The following ADGRF3 variants were observed in gnomAD, a reference collection of about 807,000 sequenced individuals.
ADGRF3 encodes the protein adhesion G protein-coupled receptor F3, also known as G protein-coupled receptor 113.
Under a neutral mutation model 93.2 loss-of-function variants are expected in ADGRF3, and 85 were observed. The observed-to-expected ratio is 0.91, with a 90% CI of 0.77 to 1.09. ADGRF3 has a LOEUF of 1.09. ADGRF3 is among the 50% of genes least tolerant of loss of function. The probability of loss-of-function intolerance (pLI) is 0.00; values close to 1 mark genes in which losing one functional copy is unlikely to be tolerated. For missense variants in ADGRF3, 1,125 were observed against 1,246.2 expected (o/e 0.90, Z 1.46); for synonymous variants, 534 against 532.5 (o/e 1.00, Z -0.04).
chr2:26,346,274 C>G lies in ADGRF3; in HGVS notation c.-40G>C, dbSNP rs1458536750. The stretch of plus-strand genomic sequence containing the variant: ...ACGTGAGCCCGGAGCAGCTGGCTGG[C>G]TTTGATAAGTACAAGGTACCGCGGG... On this transcript the variant is annotated 5_prime_UTR_variant, in exon 1 of 14. Transcript: ENST00000651242. The G allele has an allele frequency of 6.2e-6, 10 of 1,613,424 alleles. No individual in the cohort carries two copies. The highest frequency in any genetic ancestry group is 8.5e-6 in the Non-Finnish European group (10 of 1,179,580).
At chr2:26,330,451 G>T (rs1675700670) in intron 1 of ADGRF3, among the ~76,000 whole-genome samples, 1 of 152,112 alleles carries the variant, frequency 6.6e-6, no homozygotes, top group South Asian at 2.1e-4. Flanking sequence ...GCTTTACCAT[G>T]CACTTACTGT....
chr2:26,317,113 C>T, intron 2 of ADGRF3, 58 bp from the exon 3 acceptor site: 1 of 1,535,508 alleles, frequency 6.5e-7, no homozygotes, highest in Non-Finnish European at 8.8e-7. Context: ...AAGCCGGTCC[C>T]CTCTGGATTC....
Position 26,320,385 on chromosome 2 carries a change from A to G in ADGRF3, c.115-2823T>C, listed in dbSNP as rs908362212. ...GTGGCGCATCCCTGTAATCTCAGCT[A>G]CTTAGCAGGCTGAGGCAGGAGAACT... On this transcript the variant is annotated intron_variant, in intron 1 of 13. Transcript: ENST00000651242. Among the ~76,000 whole-genome samples the G allele has an allele frequency of 2.0e-5, 3 of 152,186 alleles. No individual in the cohort carries two copies. In the East Asian group the frequency reaches 5.8e-4, roughly 29 times the overall value.
Position 26,314,603 on chromosome 2 carries a change from C to T in ADGRF3, c.739G>A (p.Glu247Lys), listed in dbSNP as rs777458927. The T allele has an allele frequency of 2.8e-5, 45 of 1,613,748 alleles. No homozygotes were observed. Among genetic ancestry groups the T allele is most frequent in the East Asian group, 2.7e-4 (12 of 44,892 alleles). ...HWAGEYMSCF[E>K]AQGFKWNLYE... ...AGGTTCCACTTGAAGCCCTGGGCCTCGAAGCAGCTCATGTACTCACCTGCA... is the reference window on the plus strand; with the variant it reads ...AGGTTCCACTTGAAGCCCTGGGCCTTGAAGCAGCTCATGTACTCACCTGCA... Residue 247 changes from glutamate to lysine, a missense_variant, in exon 6 of 14, where the codon GAG (glutamate) becomes AAG (lysine). Transcript: ENST00000651242.
intron 1 of ADGRF3, among the ~76,000 whole-genome samples, chr2:26,345,193 T>A (rs1327602284): frequency 6.6e-6 from 1 of 152,172 alleles, no homozygotes; most frequent in Non-Finnish European, 1.5e-5. Context: ...GGGTTGATAA[T>A]GTATGTGAAG....
rs998391280 is a variant in ADGRF3, at chr2:26,315,670, C to T, written c.570G>A (p.Leu190=). The T allele has an allele frequency of 1.9e-6, 3 of 1,551,468 alleles. No homozygotes were observed. Among genetic ancestry groups the T allele is most frequent in the African/African-American group, 2.7e-5 (2 of 73,020 alleles). The part of the protein sequence containing the change: ...PGDTLSLTLH[L]SQEATNLSWF... ...AGCTCAGGTTGGTGGCCTCCTGGCT[C>T]AGATGGAGAGTCAGGCTCAGCGTGT... Residue 190 remains leucine, a synonymous_variant, in exon 5 of 14, where the codon CTG becomes CTA. Transcript: ENST00000651242.
At chr2:26,314,021 G>A (rs13001136) in intron 6 of ADGRF3, 118 bp from the exon 7 acceptor site, 14 of 1,298,700 alleles carry the variant, frequency 1.1e-5, no homozygotes, top group African/African-American at 1.5e-5. Flanking sequence ...AAGCAGTGGG[G>A]AAGAGCCAAA....
At chr2:26,334,074 C>T (rs909152079) in intron 1 of ADGRF3, among the ~76,000 whole-genome samples, 2 of 151,838 alleles carry the variant, frequency 1.3e-5, no homozygotes, top group South Asian at 4.2e-4. Flanking sequence ...GATCTGCTCG[C>T]CTCAGCCTCC....
Position 26,309,068 on chromosome 2 carries a change from C to T in ADGRF3, c.*18G>A. 1 of 1,614,032 alleles carries T rather than the reference C, an allele frequency of 6.2e-7. No individual in the cohort carries two copies. The highest frequency in any genetic ancestry group is 1.1e-5 in the South Asian group (1 of 91,084). On this transcript the variant is annotated 3_prime_UTR_variant, in exon 14 of 14. Transcript: ENST00000651242. The stretch of plus-strand genomic sequence containing the variant: ...CACAGCCTCAACTCCCTTGCAGGAA[C>T]ATGGGTCCGTGTGTGGTTCACTCTG...
Position 26,315,687 on chromosome 2 carries a change from T to C in ADGRF3, c.553A>G (p.Ser185Gly). The C allele has an allele frequency of 1.3e-6, 2 of 1,551,562 alleles. No individual in the cohort carries two copies. Among genetic ancestry groups the C allele is most frequent in the Non-Finnish European group, 1.7e-6 (2 of 1,146,990 alleles). Reference protein sequence around the residue: ...SQLQMPGDTLSLTLHLSQEAT... With the variant: ...SQLQMPGDTLGLTLHLSQEAT... ...TCCTGGCTCAGATGGAGAGTCAGGC[T>C]CAGCGTGTCACCAGGCATCTGCAGC... is the stretch of plus-strand genomic sequence containing the variant. Residue 185 changes from serine to glycine, a missense_variant, in exon 5 of 14, where the codon AGC (serine) becomes GGC (glycine). Coordinates refer to ENST00000651242, the MANE Select transcript of ADGRF3 (RefSeq NM_001321971.2).
At chr2:26,318,217 C>T (rs546236538) in intron 1 of ADGRF3, 186 of 781,064 alleles carry the variant, frequency 2.4e-4, no homozygotes, top group Admixed American at 6.2e-4. Flanking sequence ...TGTCACAGAC[C>T]TGAGCCCTGT....
intron 9 of ADGRF3, 54 bp downstream of exon 9, chr2:26,312,889 A>G (rs1674308884): frequency 1.3e-6 from 2 of 1,496,244 alleles, no homozygotes; most frequent in Non-Finnish European, 1.8e-6. Context: ...ACAGGTGGGG[A>G]GTCTTCAGCC....
At chr2:26,346,010 A>ACC in intron 1 of ADGRF3, 111 bp downstream of exon 1, 1 of 1,160,554 alleles carries the variant, frequency 8.6e-7, no homozygotes, top group Non-Finnish European at 1.2e-6. Flanking sequence ...CGGGCTAGCA[A>ACC]CCCCCCCTCG....
chr2:26,327,573 A>ATTTATTTC (rs999104641), intron 1 of ADGRF3, among the ~76,000 whole-genome samples: 5 of 150,818 alleles, frequency 3.3e-5, no homozygotes, highest in African/African-American at 1.2e-4. Flanking sequence ...TAAATAAGGC[A>ATTTATTTC]TTTATTTCTT....
chr2:26,340,037 T>A (rs1006208229), intron 1 of ADGRF3, among the ~76,000 whole-genome samples: 2 of 152,230 alleles, frequency 1.3e-5, no homozygotes, highest in Admixed American at 6.5e-5. Flanking sequence ...ATCAAATCAT[T>A]TTCTTTCTAC....
rs190412608 is a variant in ADGRF3, at chr2:26,342,073, A to C, written c.114+4048T>G. ...AGGCGACAGAGCAAGACTCCATCTCAAAAAAAAAACAACTGACTTGTGATT... is the reference window on the plus strand; with the variant it reads ...AGGCGACAGAGCAAGACTCCATCTCCAAAAAAAAACAACTGACTTGTGATT... On this transcript the variant is annotated intron_variant, in intron 1 of 13. Transcript: ENST00000651242. Among the ~76,000 whole-genome samples, 558 of 147,496 alleles carry C rather than the reference A, an allele frequency of 3.8e-3. 2 individuals are homozygous for C. The highest frequency in any genetic ancestry group is 0.013 in the African/African-American group (526 of 40,350).
intron 9 of ADGRF3, among the ~76,000 whole-genome samples, chr2:26,312,715 C>A (rs995026661): frequency 6.6e-6 from 1 of 152,212 alleles, no homozygotes; most frequent in African/African-American, 2.4e-5. Context: ...GTCTCCACAC[C>A]CTTGCCTGCC....
At position 26,312,956 on chromosome 2, in the gene ADGRF3, C is replaced by A. The variant is rs570578134; in HGVS notation, c.1436G>T (p.Arg479Leu). The A allele has an allele frequency of 3.7e-6, 6 of 1,610,792 alleles. No individual in the cohort carries two copies. The South Asian group carries it at 4.4e-5, about 12-fold the overall frequency. ...CAGAGATCTCACCTTCAGGGCTCTG[C>A]GGTCAAGCTGTATTCTGGCCTCTGC... ...VVAEARIQLD[R>L]RALKNLLIAT... Residue 479 changes from arginine to leucine, a missense_variant, in exon 9 of 14, where the codon CGC becomes CTC. Transcript: ENST00000651242.
intron 1 of ADGRF3, among the ~76,000 whole-genome samples, chr2:26,320,364 C>G (rs796682149): frequency 6.6e-6 from 1 of 152,096 alleles, no homozygotes; most frequent in Admixed American, 6.5e-5. Context: ...GGCGTGGTGG[C>G]GCATCCCTGT....
Sources: allele counts gnomAD v4.1 joint callset (sites outside exome capture counted in the v4.1 genomes callset), GRCh38; gene constraint gnomAD v4.1.1; transcripts MANE v1.5; gene names NCBI Gene and HGNC (gene_info 2026-07-23, HGNC 2026-07-21).